CCDC6: variants seen among roughly 807,000 people sequenced by gnomAD.
CCDC6 encodes coiled-coil domain containing 6, also known as coiled-coil domain-containing protein 6.
A neutral mutation model predicts 56.6 loss-of-function variants in CCDC6; 20 were observed. The observed-to-expected ratio is 0.35, with a 90% CI of 0.25 to 0.51. The LOEUF is 0.51. CCDC6 is among the 20% of genes least tolerant of loss of function. The pLI, the probability that CCDC6 is intolerant of heterozygous loss-of-function variation, is 0.95. For synonymous variants in CCDC6, 241 were observed against 234.4 expected, an observed-to-expected ratio of 1.03 and a Z score of -0.26; for missense variants, 367 against 601.1, an observed-to-expected ratio of 0.61 and a Z score of 4.07.
intron 3 of CCDC6, among the ~76,000 whole-genome samples, chr10:59,824,549 T>A (rs2120990): frequency 0.5 from 75,878 of 151,680 alleles, 19,723 homozygotes; most frequent in African/African-American, 0.64. Context: ...CCAAGCCGAC[T>A]TCAGGGTTTA....
At chr10:59,866,744 T>C (rs2071181044) in intron 1 of CCDC6, among the ~76,000 whole-genome samples, 1 of 152,196 alleles carries the variant, frequency 6.6e-6, no homozygotes, top group Admixed American at 6.5e-5. Context: ...CTAGTCCTTC[T>C]ATGGTCTAAA....
At position 59,791,608 on chromosome 10, in the gene CCDC6, T is replaced by C; in HGVS notation, c.*1309A>G. 1 of 200,678 alleles carries C rather than the reference T, an allele frequency of 5.0e-6. No individual in the cohort carries two copies. The highest frequency in any genetic ancestry group is 1.0e-5 in the Non-Finnish European group (1 of 97,008). The allele number at this position is 200,678 out of a possible 1,614,324, so 12.4% of individuals were successfully genotyped here. A position where few individuals can be genotyped will look rare whatever the true frequency, so the allele number is the denominator to read the frequency against. On this transcript the variant is annotated 3_prime_UTR_variant, in exon 9 of 9. Transcript: ENST00000263102. The stretch of plus-strand genomic sequence containing the variant: ...TTCTTGTCATAAAATATACATTCTC[T>C]AGTAAGTTATTTTCATCCACAGCAT...
chr10:59,889,949 A>G (rs745534873), intron 1 of CCDC6, among the ~76,000 whole-genome samples: 1 of 152,190 alleles, frequency 6.6e-6, no homozygotes, highest in Non-Finnish European at 1.5e-5. Context: ...TGGGATGACC[A>G]ATCTCTGAAT....
chr10:59,837,493 C>G (rs901664402), intron 2 of CCDC6, among the ~76,000 whole-genome samples: 1 of 152,032 alleles, frequency 6.6e-6, no homozygotes, highest in Non-Finnish European at 1.5e-5. Context: ...GCCTGTAATC[C>G]CAGCACTTGG....
At chr10:59,842,667 C>A (rs1255355147) in intron 2 of CCDC6, among the ~76,000 whole-genome samples, 1 of 151,532 alleles carries the variant, frequency 6.6e-6, no homozygotes, top group Non-Finnish European at 1.5e-5. Context: ...CTGAACTACA[C>A]TTAAGTTTGA....
chr10:59,845,704 A>G (rs2132652375), intron 2 of CCDC6, among the ~76,000 whole-genome samples: 1 of 152,316 alleles, frequency 6.6e-6, no homozygotes, highest in African/African-American at 2.4e-5. Flanking sequence ...AAACAATAAG[A>G]AAAAGCTCTG....
At chr10:59,867,496 A>C (rs1383444572) in intron 1 of CCDC6, among the ~76,000 whole-genome samples, 1 of 152,224 alleles carries the variant, frequency 6.6e-6, no homozygotes, top group Non-Finnish European at 1.5e-5. Flanking sequence ...CAGTCTCCAC[A>C]ACTCCTTAAC....
intron 3 of CCDC6, among the ~76,000 whole-genome samples, chr10:59,821,544 A>G (rs1356432442): frequency 1.3e-5 from 2 of 152,216 alleles, no homozygotes; most frequent in East Asian, 3.8e-4. Context: ...CATAGACCAC[A>G]GAGTATCCCC....
intron 3 of CCDC6, among the ~76,000 whole-genome samples, chr10:59,829,464 A>G (rs2070816994): frequency 6.6e-6 from 1 of 152,258 alleles, no homozygotes; most frequent in Non-Finnish European, 1.5e-5. Flanking sequence ...CAAAAAAATT[A>G]TACGTGAATG....
At chr10:59,871,784 G>A (rs2071231739) in intron 1 of CCDC6, among the ~76,000 whole-genome samples, 2 of 152,100 alleles carry the variant, frequency 1.3e-5, no homozygotes, top group African/African-American at 4.8e-5. Context: ...TTGTGAGGGG[G>A]CAGGGGATCC....
chr10:59,821,588 T>C, intron 3 of CCDC6, among the ~76,000 whole-genome samples: 1 of 152,224 alleles, frequency 6.6e-6, no homozygotes, highest in East Asian at 1.9e-4. Flanking sequence ...CTGTGATTGC[T>C]TTCAGAATTT....
intron 1 of CCDC6, among the ~76,000 whole-genome samples, chr10:59,880,106 TA>T (rs1412646555): frequency 6.6e-6 from 1 of 152,184 alleles, no homozygotes; most frequent in African/African-American, 2.4e-5. Context: ...ATCCATTCTT[TA>T]AAAAATACCG....
chr10:59,834,500 T>G (rs1386821868), intron 2 of CCDC6, among the ~76,000 whole-genome samples: 1 of 150,692 alleles, frequency 6.6e-6, no homozygotes, highest in Non-Finnish European at 1.5e-5. Flanking sequence ...GAGGCGGAGG[T>G]TGCAGTGAGC....
In CCDC6 at chr10:59,808,622, C is replaced by A. The variant is rs534004733; in HGVS notation, c.848-1544G>T. Reference sequence around the variant, plus strand: ...GCTACAAATTCAGTGGCCATGAGCACGTCTAAGAGAGTTTCCTGTAGGCTG... The same window carrying A: ...GCTACAAATTCAGTGGCCATGAGCAAGTCTAAGAGAGTTTCCTGTAGGCTG... On this transcript the variant is annotated intron_variant, in intron 5 of 8. Transcript: ENST00000263102. Among the ~76,000 whole-genome samples, 5 of 152,290 alleles carry A rather than the reference C, an allele frequency of 3.3e-5. 1 individual carries two copies. Among genetic ancestry groups the A allele is most frequent in the African/African-American group, 1.2e-4 (5 of 41,560 alleles).
chr10:59,906,434 G>A lies in CCDC6; in HGVS notation c.-10C>T. The A allele has an allele frequency of 6.6e-7, 1 of 1,507,116 alleles. No homozygotes were observed. The highest frequency in any genetic ancestry group is 8.7e-7 in the Non-Finnish European group (1 of 1,144,066). The allele number at this position is 1,507,116 out of a possible 1,614,324, so 93.4% of individuals were successfully genotyped here. ...TGGCGCTGTCCGCCATGGCCGCGGC[G>A]GGCTGGGGAAAGGAGGAGGAGCAGC... On this transcript the variant is annotated 5_prime_UTR_variant, in exon 1 of 9. Coordinates refer to ENST00000263102, the MANE Select transcript of CCDC6 (RefSeq NM_005436.5).
rs145096776 is a variant in CCDC6 at position 59,895,854 on chromosome 10, C to T, written c.303+10268G>A. On this transcript the variant is annotated intron_variant, in intron 1 of 8. Transcript: ENST00000263102. ...TGTGATTCAGCCTGAGCGCTTTAGGCCATGTGGTATCAGCACAGCCTACTC... is the reference window on the plus strand; with the variant it reads ...TGTGATTCAGCCTGAGCGCTTTAGGTCATGTGGTATCAGCACAGCCTACTC... Among the ~76,000 whole-genome samples, 6 of 152,260 alleles carry T rather than the reference C, an allele frequency of 3.9e-5. No homozygotes were observed. The East Asian group carries it at 1.2e-3, about 29-fold the overall frequency.
At chr10:59,810,204 G>A (rs886544212) in intron 5 of CCDC6, among the ~76,000 whole-genome samples, 2 of 152,138 alleles carry the variant, frequency 1.3e-5, no homozygotes, top group African/African-American at 4.8e-5. Flanking sequence ...TCCAAAAGAG[G>A]CCCAGGTCAT....
At chr10:59,842,840 G>A (rs777494033) in intron 2 of CCDC6, among the ~76,000 whole-genome samples, 125 of 145,904 alleles carry the variant, frequency 8.6e-4, no homozygotes, top group East Asian at 6.2e-4. Context: ...AGCAAGCTCC[G>A]CCTCCCAGGT....
At position 59,789,985 on chromosome 10, in the gene CCDC6, T is replaced by C. The variant is rs997409657; in HGVS notation, c.*2932A>G. On this transcript the variant is annotated 3_prime_UTR_variant, in exon 9 of 9. Transcript: ENST00000263102. ...CACACATTCATTCCATGGTTGCTAG[T>C]CAGTATCTCAGGAGCTCAGAATTTA... The C allele has an allele frequency of 3.7e-5, 8 of 216,802 alleles. No individual in the cohort carries two copies. Among genetic ancestry groups the C allele is most frequent in the African/African-American group, 1.6e-4 (7 of 44,442 alleles). The allele number at this position is 216,802 out of a possible 1,614,324, so 13.4% of individuals were successfully genotyped here. A position where few individuals can be genotyped will look rare whatever the true frequency, so the allele number is the denominator to read the frequency against.
Sources: gnomAD v4.1 joint callset for allele counts (sites outside exome capture counted in the v4.1 genomes callset) on GRCh38, gnomAD v4.1.1 for gene constraint, MANE v1.5 for transcripts, NCBI Gene and HGNC (gene_info 2026-07-23, HGNC 2026-07-21) for gene names.